CTNNA2: variants seen among roughly 807,000 people sequenced by gnomAD.
CTNNA2 encodes the protein catenin alpha-2.
In CTNNA2, 42 loss-of-function variants were observed where a neutral mutation model predicts 101.0. That is an observed-to-expected ratio of 0.42 (90% CI 0.32 to 0.54). CTNNA2 has a LOEUF of 0.54. Ranked by LOEUF, CTNNA2 falls within the 20% of genes least tolerant of loss-of-function variation. The pLI, the probability that CTNNA2 is intolerant of heterozygous loss-of-function variation, is 0.14. For missense variants in CTNNA2, 871 were observed against 1,223.1 expected (o/e 0.71, Z 4.29); for synonymous variants, 450 against 456.4 (o/e 0.99, Z 0.18).
intron 1 of CTNNA2, among the ~76,000 whole-genome samples, chr2:79,632,632 A>C (rs887900054): frequency 5.9e-5 from 9 of 152,232 alleles, no homozygotes. Flanking sequence ...AGTATTTCTC[A>C]GTAGGATCAC....
At chr2:80,522,060 T>G (rs746555488) in intron 9 of CTNNA2, among the ~76,000 whole-genome samples, 1 of 152,216 alleles carries the variant, frequency 6.6e-6, no homozygotes, top group Non-Finnish European at 1.5e-5. Flanking sequence ...TCTGTCCATA[T>G]TTCTTTCTAG....
intron 3 of CTNNA2, among the ~76,000 whole-genome samples, chr2:79,360,077 A>T (rs1408326987): frequency 2.6e-5 from 4 of 152,204 alleles, no homozygotes; most frequent in Non-Finnish European, 4.4e-5. Flanking sequence ...AGTAATTTTT[A>T]AGAGAGTCAA....
In CTNNA2 at chr2:80,051,071, G is replaced by C. The variant is rs181372217; in HGVS notation, c.1056+141274G>C. Among the ~76,000 whole-genome samples the C allele has an allele frequency of 5.3e-3, 811 of 152,160 alleles. 5 individuals carry two copies. Among genetic ancestry groups the C allele is most frequent in the Non-Finnish European group, 7.1e-3 (484 of 68,006 alleles). ...GTGACCCATTAGTAGTTTTTTATGA[G>C]GGCGGTATAATGTTACCATGAAATA... On this transcript the variant is annotated intron_variant, in intron 7 of 18. Transcript: ENST00000402739.
chr2:80,309,327 A>G (rs1558992652), intron 7 of CTNNA2, among the ~76,000 whole-genome samples: 2 of 152,162 alleles, frequency 1.3e-5, no homozygotes, highest in African/African-American at 4.8e-5. Context: ...TGATTTCTTA[A>G]CTGACTCCGA....
chr2:80,568,611 A>C (rs1391427698), intron 12 of CTNNA2, among the ~76,000 whole-genome samples: 1 of 151,696 alleles, frequency 6.6e-6, no homozygotes, highest in African/African-American at 2.4e-5. Context: ...TTAGGATGCT[A>C]TAAAATTACA....
chr2:79,357,843 T>G (rs1163400741), intron 3 of CTNNA2, among the ~76,000 whole-genome samples: 2 of 152,160 alleles, frequency 1.3e-5, no homozygotes, highest in African/African-American at 2.4e-5. Flanking sequence ...AATTCTATAA[T>G]CCAGAAAAAG....
chr2:79,437,360 T>C (rs899872343), intron 4 of CTNNA2, among the ~76,000 whole-genome samples: 1 of 152,184 alleles, frequency 6.6e-6, no homozygotes, highest in Admixed American at 6.5e-5. Context: ...TTCAGATTCC[T>C]TCTGAGCCAG....
intron 9 of CTNNA2, among the ~76,000 whole-genome samples, chr2:80,470,545 G>T (rs1465155121): frequency 6.6e-6 from 1 of 152,120 alleles, no homozygotes; most frequent in Non-Finnish European, 1.5e-5. Flanking sequence ...CCTGGCCAGG[G>T]TCTTGCTCTA....
At chr2:79,746,908 C>T (rs180796461) in intron 3 of CTNNA2, among the ~76,000 whole-genome samples, 167 of 152,224 alleles carry the variant, frequency 1.1e-3, no homozygotes, top group African/African-American at 3.9e-3. Context: ...TTTTGCTAAT[C>T]ATTGATTTTC....
chr2:80,260,371 G>A (rs1222069734), intron 7 of CTNNA2, among the ~76,000 whole-genome samples: 1 of 152,120 alleles, frequency 6.6e-6, no homozygotes, highest in Non-Finnish European at 1.5e-5. Flanking sequence ...TATTTCTGAA[G>A]GACATTAATA....
chr2:79,516,877 G>A (rs7586407), intron 1 of CTNNA2, among the ~76,000 whole-genome samples: 30,353 of 152,004 alleles, frequency 0.2, 3,239 homozygotes, highest in Middle Eastern at 0.34. Context: ...ACTATATCTC[G>A]TTGTATAATA....
chr2:80,043,417 C>T (rs1183122953), intron 7 of CTNNA2, among the ~76,000 whole-genome samples: 2 of 151,874 alleles, frequency 1.3e-5, no homozygotes, highest in Non-Finnish European at 2.9e-5. Context: ...AGACTTTTCT[C>T]GAACTCCTGA....
chr2:80,266,133 G>A (rs569534759), intron 7 of CTNNA2, among the ~76,000 whole-genome samples: 2 of 152,210 alleles, frequency 1.3e-5, no homozygotes, highest in Non-Finnish European at 2.9e-5. Context: ...CCTAGATGAG[G>A]TTGCTTTCTA....
intron 2 of CTNNA2, among the ~76,000 whole-genome samples, chr2:79,239,677 CA>C (rs1300567947): frequency 6.6e-6 from 1 of 152,116 alleles, no homozygotes; most frequent in Non-Finnish European, 1.5e-5. Context: ...GCAATTGCAA[CA>C]AAAGCAAAAA....
At chr2:80,509,652 A>T (rs569340830) in intron 9 of CTNNA2, among the ~76,000 whole-genome samples, 1 of 152,158 alleles carries the variant, frequency 6.6e-6, no homozygotes. Flanking sequence ...TGAGAGAAGG[A>T]GGAACCCAGG....
intron 7 of CTNNA2, among the ~76,000 whole-genome samples, chr2:80,107,973 G>A (rs1344432355): frequency 2.0e-5 from 3 of 152,170 alleles, no homozygotes; most frequent in South Asian, 2.1e-4. Flanking sequence ...TGAAGGGGTC[G>A]AGAAAAACTC....
chr2:80,167,892 T>C (rs928782393), intron 7 of CTNNA2, among the ~76,000 whole-genome samples: 1 of 152,226 alleles, frequency 6.6e-6, no homozygotes, highest in Non-Finnish European at 1.5e-5. Flanking sequence ...AGGAAAGGTG[T>C]GCTTTGATAA....
chr2:79,788,902 C>T (rs1675053680), intron 3 of CTNNA2, among the ~76,000 whole-genome samples: 1 of 152,118 alleles, frequency 6.6e-6, no homozygotes, highest in Admixed American at 6.6e-5. Flanking sequence ...AAAATAAATC[C>T]TTTACAATGC....
chr2:80,075,118 C>G (rs1698592871), intron 7 of CTNNA2, among the ~76,000 whole-genome samples: 1 of 152,102 alleles, frequency 6.6e-6, no homozygotes, highest in Non-Finnish European at 1.5e-5. Context: ...TGGGAAGCCC[C>G]TTCATTCTGC....
Sources: allele counts gnomAD v4.1 joint callset (sites outside exome capture counted in the v4.1 genomes callset), GRCh38; gene constraint gnomAD v4.1.1; transcripts MANE v1.5; gene names NCBI Gene and HGNC (gene_info 2026-07-23, HGNC 2026-07-21).